The following RBFOX1 variants were observed in gnomAD, a reference collection of about 807,000 sequenced individuals.
RBFOX1 encodes the protein RNA binding fox-1 homolog 1, also known as RNA binding protein fox-1 homolog 1.
RBFOX1 carries 8 observed loss-of-function variants against 57.7 expected under a neutral mutation model. The ratio of observed to expected loss-of-function variants is 0.14; its 90% confidence interval spans 0.08 to 0.25. The LOEUF (loss-of-function observed/expected upper bound fraction) is 0.25, where lower values mean the gene tolerates loss of function less well. Ranked by LOEUF, RBFOX1 falls within the 10% of genes least tolerant of loss-of-function variation. RBFOX1 has a pLI of 1.00. For missense variants in RBFOX1, 611 were observed against 548.5 expected (o/e 1.11, Z -1.14); for synonymous variants, 326 against 222.4 (o/e 1.47, Z -4.15).
intron 3 of RBFOX1, among the ~76,000 whole-genome samples, chr16:5,723,789 G>C (rs1205036999): frequency 6.6e-6 from 1 of 152,228 alleles, no homozygotes; most frequent in Non-Finnish European, 1.5e-5. Context: ...CAGCTATGGA[G>C]AAAGCAGTGG....
chr16:5,724,332 T>A (rs965402149), intron 3 of RBFOX1, among the ~76,000 whole-genome samples: 1 of 152,164 alleles, frequency 6.6e-6, no homozygotes. Context: ...TAAGCTGCTT[T>A]CACTGCCATT....
chr16:7,191,368 A>T (rs11077142), intron 4 of RBFOX1, among the ~76,000 whole-genome samples: 1 of 151,436 alleles, frequency 6.6e-6, no homozygotes, highest in Non-Finnish European at 1.5e-5. Context: ...CATTGCTACA[A>T]TATTTCCTGG....
At chr16:6,966,432 C>A (rs192443386) in intron 3 of RBFOX1, among the ~76,000 whole-genome samples, 2 of 152,024 alleles carry the variant, frequency 1.3e-5, no homozygotes, top group African/African-American at 4.8e-5. Context: ...TTCCAGAGGT[C>A]CCTGGGCGAG....
At chr16:6,992,448 T>C (rs1356510241) in intron 3 of RBFOX1, among the ~76,000 whole-genome samples, 10 of 152,136 alleles carry the variant, frequency 6.6e-5, no homozygotes, top group African/African-American at 2.4e-4. Flanking sequence ...GAACTCTTGA[T>C]CTCACGTGAT....
At chr16:5,485,196 A>T (rs1037176077) in intron 2 of RBFOX1, among the ~76,000 whole-genome samples, 1 of 151,726 alleles carries the variant, frequency 6.6e-6, no homozygotes, top group Non-Finnish European at 1.5e-5. Flanking sequence ...AATACAAAAA[A>T]TTAGCCTGGC....
chr16:5,861,171 G>T (rs766758117), intron 3 of RBFOX1, among the ~76,000 whole-genome samples: 2 of 152,196 alleles, frequency 1.3e-5, no homozygotes, highest in Non-Finnish European at 2.9e-5. Context: ...AACCATGTAG[G>T]AGGATCTTGT....
intron 4 of RBFOX1, among the ~76,000 whole-genome samples, chr16:5,966,643 G>A (rs946504527): frequency 1.3e-5 from 2 of 152,088 alleles, no homozygotes; most frequent in Non-Finnish European, 2.9e-5. Flanking sequence ...TAGTAGACAA[G>A]GTTTCGCCAC....
At chr16:6,627,674 A>G (rs1044372689) in intron 2 of RBFOX1, among the ~76,000 whole-genome samples, 2 of 152,194 alleles carry the variant, frequency 1.3e-5, no homozygotes, top group African/African-American at 4.8e-5. Context: ...TTCCAGAAAA[A>G]TGAGCAGCAC....
chr16:6,943,885 C>T (rs759258414), intron 3 of RBFOX1, among the ~76,000 whole-genome samples: 4 of 152,174 alleles, frequency 2.6e-5, no homozygotes, highest in Middle Eastern at 3.4e-3. Flanking sequence ...GATTTCTATA[C>T]ATCACTTCCC....
chr16:7,505,897 A>G (rs1203589457), intron 4 of RBFOX1, among the ~76,000 whole-genome samples: 3 of 152,110 alleles, frequency 2.0e-5, no homozygotes, highest in African/African-American at 7.2e-5. Context: ...TCAAGAGATA[A>G]TTTTCTGGCC....
intron 11 of RBFOX1, among the ~76,000 whole-genome samples, chr16:7,644,447 T>G (rs1170310935): frequency 1.3e-5 from 2 of 152,172 alleles, no homozygotes; most frequent in African/African-American, 4.8e-5. Context: ...CTGCCTGGGT[T>G]TTTAGACAAG....
chr16:5,906,727 CT>C (rs57589514), intron 4 of RBFOX1, among the ~76,000 whole-genome samples: 145 of 71,472 alleles, frequency 2.0e-3, no homozygotes, highest in Middle Eastern at 0.016. Context: ...ATCCTAGATT[CT>C]TTTTTTTTTT....
chr16:6,622,319 A>G (rs1273486497), intron 2 of RBFOX1, among the ~76,000 whole-genome samples: 1 of 152,180 alleles, frequency 6.6e-6, no homozygotes, highest in African/African-American at 2.4e-5. Flanking sequence ...ACAGATGTAT[A>G]ATTTTTTATC....
At chr16:6,266,487 G>T (rs1031461404) in intron 1 of RBFOX1, among the ~76,000 whole-genome samples, 1 of 152,096 alleles carries the variant, frequency 6.6e-6, no homozygotes. Context: ...GCCTAGGCAG[G>T]CAGATCACTT....
chr16:6,549,022 C>T (rs569059379), intron 2 of RBFOX1, among the ~76,000 whole-genome samples: 58 of 148,718 alleles, frequency 3.9e-4, no homozygotes, highest in African/African-American at 1.3e-3. Context: ...TTGCAGTGAG[C>T]TGAGATCATG....
At chr16:6,765,172 C>G (rs989859996) in intron 3 of RBFOX1, among the ~76,000 whole-genome samples, 5 of 152,002 alleles carry the variant, frequency 3.3e-5, no homozygotes, top group African/African-American at 1.2e-4. Context: ...GCATGAGGCT[C>G]TGAATGCAGC....
At chr16:7,691,400 A>G (rs563575624) in intron 14 of RBFOX1, among the ~76,000 whole-genome samples, 14 of 151,904 alleles carry the variant, frequency 9.2e-5, no homozygotes, top group African/African-American at 2.9e-4. Context: ...AGAAAGAATG[A>G]AGGGAAAATG....
intron 4 of RBFOX1, among the ~76,000 whole-genome samples, chr16:5,955,849 C>T (rs956946391): frequency 2.0e-5 from 3 of 152,194 alleles, no homozygotes; most frequent in African/African-American, 7.2e-5. Context: ...ATGTAGTTAC[C>T]AGCGGAATGC....
At chr16:6,124,653 C>A (rs1043873094) in intron 1 of RBFOX1, among the ~76,000 whole-genome samples, 1 of 152,090 alleles carries the variant, frequency 6.6e-6, no homozygotes, top group Non-Finnish European at 1.5e-5. Context: ...CAGGCATGCA[C>A]CAGCATGCCC....
Sources: allele counts gnomAD v4.1 joint callset (sites outside exome capture counted in the v4.1 genomes callset), GRCh38; gene constraint gnomAD v4.1.1; transcripts MANE v1.5; gene names NCBI Gene and HGNC (gene_info 2026-07-23, HGNC 2026-07-21).